The following NF1 variants were observed in gnomAD, a reference collection of about 807,000 sequenced individuals.
The protein encoded by NF1 is neurofibromin.
NF1 carries 122 observed loss-of-function variants against 325.7 expected under a neutral mutation model. That is an observed-to-expected ratio of 0.37 (90% CI 0.32 to 0.44). The LOEUF (loss-of-function observed/expected upper bound fraction) is 0.44. Ranked by LOEUF, NF1 falls within the 20% of genes least tolerant of loss-of-function variation. The probability of loss-of-function intolerance (pLI) is 1.00; values close to 1 mark genes in which losing one functional copy is unlikely to be tolerated. For synonymous variants in NF1, 1,091 were observed against 1,186.0 expected (o/e 0.92, Z 1.65); for missense variants, 2,140 against 3,415.4 (o/e 0.63, Z 9.31).
chr17:31,314,132 A>G, intron 36 of NF1: 2 of 397,004 alleles, frequency 5.0e-6, no homozygotes, highest in Non-Finnish European at 8.9e-6. Flanking sequence ...GAGGAAGTTT[A>G]TCAATAGCTG....
At chr17:31,110,313 TAGA>T (rs1482154755) in intron 1 of NF1, among the ~76,000 whole-genome samples, 1 of 152,176 alleles carries the variant, frequency 6.6e-6, no homozygotes, top group Non-Finnish European at 1.5e-5. Context: ...ATTCCAGAAA[TAGA>T]AGAGATCTTT....
chr17:31,150,342 C>T (rs1014515979), intron 1 of NF1, among the ~76,000 whole-genome samples: 1 of 152,282 alleles, frequency 6.6e-6, no homozygotes, highest in African/African-American at 2.4e-5. Context: ...TGAGTGGGAT[C>T]TGGGAAAGTA....
At chr17:31,313,722 ATGTGTGTGTGTG>A (rs60267436) in intron 36 of NF1, among the ~76,000 whole-genome samples, 29 of 139,048 alleles carry the variant, frequency 2.1e-4, no homozygotes, top group African/African-American at 2.5e-4. Flanking sequence ...AAAAAAAAAT[ATGTGTGTGTGTG>A]TGTGTGTGTG....
chr17:31,169,182 C>A (rs976006272), intron 4 of NF1, among the ~76,000 whole-genome samples: 2 of 152,112 alleles, frequency 1.3e-5, no homozygotes, highest in Non-Finnish European at 2.9e-5. Context: ...AAAGTGCATA[C>A]CTGTGTGATA....
chr17:31,289,033 C>A (rs2068297559), intron 36 of NF1, among the ~76,000 whole-genome samples: 3 of 152,086 alleles, frequency 2.0e-5, no homozygotes, highest in Admixed American at 6.5e-5. Flanking sequence ...CATCTTTGAT[C>A]TATGTTAATT....
intron 1 of NF1, among the ~76,000 whole-genome samples, chr17:31,121,395 C>CTTTTTTTTTTTTTT (rs71142019): frequency 2.2e-4 from 20 of 92,510 alleles, no homozygotes; most frequent in African/African-American, 8.9e-4. Context: ...AATCACTATT[C>CTTTTTTTTTTTTTT]TTTTTTTTTT....
At chr17:31,301,676 T>C (rs1289225334) in intron 36 of NF1, among the ~76,000 whole-genome samples, 6 of 152,160 alleles carry the variant, frequency 3.9e-5, no homozygotes, top group Admixed American at 3.9e-4. Flanking sequence ...AAAAGAGTGT[T>C]GAACCAATAG....
At chr17:31,268,017 C>T (rs1046931465) in intron 36 of NF1, among the ~76,000 whole-genome samples, 2 of 152,136 alleles carry the variant, frequency 1.3e-5, no homozygotes, top group Admixed American at 6.5e-5. Flanking sequence ...CATGAATTAG[C>T]GCAGAGCCTA....
intron 34 of NF1, 135 bp downstream of exon 34, chr17:31,260,650 CT>C (rs1390114504): frequency 1.7e-6 from 2 of 1,154,528 alleles, no homozygotes; most frequent in East Asian, 4.9e-5. Context: ...GAGAAAGATT[CT>C]TTTTTTCAAA....
chr17:31,163,102 G>T (rs2065790359), intron 3 of NF1, 84 bp from the exon 4 acceptor site: 1 of 1,306,032 alleles, frequency 7.7e-7, no homozygotes, highest in Admixed American at 1.8e-5. Context: ...TTTTTGTTCT[G>T]TGTGTGTGTT....
chr17:31,280,857 T>C (rs2068105991), intron 36 of NF1, among the ~76,000 whole-genome samples: 1 of 151,952 alleles, frequency 6.6e-6, no homozygotes, highest in South Asian at 2.1e-4. Flanking sequence ...TTGCCATTTC[T>C]TCATAACCAT....
At chr17:31,194,090 T>A (rs1423903657) in intron 8 of NF1, among the ~76,000 whole-genome samples, 1 of 152,218 alleles carries the variant, frequency 6.6e-6, no homozygotes, top group Non-Finnish European at 1.5e-5. Context: ...TGTACTCCCA[T>A]GTTTATTGCA....
intron 1 of NF1, among the ~76,000 whole-genome samples, chr17:31,105,179 G>A (rs571116080): frequency 5.9e-5 from 9 of 152,276 alleles, no homozygotes; most frequent in South Asian, 4.1e-4. Flanking sequence ...AATTACAGGC[G>A]TGAACTACTG....
At chr17:31,211,219 A>G (rs1268882279) in intron 12 of NF1, among the ~76,000 whole-genome samples, 1 of 152,200 alleles carries the variant, frequency 6.6e-6, no homozygotes, top group African/African-American at 2.4e-5. Flanking sequence ...ATTCCTACTA[A>G]TACCTGCAAT....
chr17:31,269,984 A>C (rs2067861126), intron 36 of NF1, among the ~76,000 whole-genome samples: 1 of 152,208 alleles, frequency 6.6e-6, no homozygotes, highest in African/African-American at 2.4e-5. Context: ...TTCACAAAGG[A>C]AAATTGAATT....
chr17:31,117,672 C>CAAAAAAAAAAAAAAAAAAAAAAA (rs780828438), intron 1 of NF1, among the ~76,000 whole-genome samples: 1 of 19,814 alleles, frequency 5.0e-5, no homozygotes, highest in Non-Finnish European at 1.1e-4. Context: ...AACTCCATCT[C>CAAAAAAAAAAAAAAAAAAAAAAA]AAAAAAAAAA....
rs560950755 is a variant in NF1, at chr17:31,303,341, C to G, written c.4836-22479C>G. On this transcript the variant is annotated intron_variant, in intron 36 of 57. Transcript: ENST00000358273. ...GACAAAGATTGGGCCCATTCCTACT[C>G]TAATAACTCAGACTTACCAATTGTC... Among the ~76,000 whole-genome samples the G allele has an allele frequency of 5.3e-5, 8 of 152,248 alleles. No individual in the cohort carries two copies. The South Asian group carries it at 8.3e-4, about 16-fold the overall frequency.
chr17:31,225,025 A>G (rs2066987658), intron 16 of NF1, 70 bp from the exon 17 acceptor site: 19 of 1,556,084 alleles, frequency 1.2e-5, no homozygotes, highest in Non-Finnish European at 1.7e-5. Context: ...CAGGAAGACA[A>G]CTCAAATAAG....
At chr17:31,265,407 C>A (rs1376763909) in intron 36 of NF1, 68 bp downstream of exon 36, 2 of 1,210,360 alleles carry the variant, frequency 1.7e-6, no homozygotes, top group South Asian at 1.2e-5. Context: ...AGAGAGATGG[C>A]AAGTTTGGTT....
Sources: allele counts gnomAD v4.1 joint callset (sites outside exome capture counted in the v4.1 genomes callset), GRCh38; gene constraint gnomAD v4.1.1; transcripts MANE v1.5; gene names NCBI Gene and HGNC (gene_info 2026-07-23, HGNC 2026-07-21).